The following JAK2 variants were observed in gnomAD, a reference collection of about 807,000 sequenced individuals.
The protein encoded by JAK2 is Janus kinase 2.
JAK2 carries 86 observed loss-of-function variants against 139.3 expected under a neutral mutation model. That is an observed-to-expected ratio of 0.62 (90% CI 0.52 to 0.74). The LOEUF (loss-of-function observed/expected upper bound fraction) is 0.74. JAK2 is among the 30% of genes least tolerant of loss of function. The pLI, the probability that JAK2 is intolerant of heterozygous loss-of-function variation, is 0.00. For missense variants in JAK2, 1,421 were observed against 1,360.3 expected, an observed-to-expected ratio of 1.04 and a Z score of -0.70; for synonymous variants, 490 against 437.7, an observed-to-expected ratio of 1.12 and a Z score of -1.49.
chr9:5,102,048 C>G (rs937436823), intron 22 of JAK2, among the ~76,000 whole-genome samples: 2 of 152,130 alleles, frequency 1.3e-5, no homozygotes, highest in South Asian at 4.1e-4. Flanking sequence ...CTTTGACGAG[C>G]TGACAGAAGT....
rs77994832 is a variant in JAK2 at position 5,123,744 on chromosome 9, T to C, written c.3177+623T>C. On this transcript the variant is annotated intron_variant, in intron 23 of 24. Coordinates refer to ENST00000381652, the MANE Select transcript of JAK2 (RefSeq NM_004972.4). ...ATCTTTATAATGTTTTCCATAGAGGTTGTACAAATGCACATTCTCACCAAC... is the reference window on the plus strand; with the variant it reads ...ATCTTTATAATGTTTTCCATAGAGGCTGTACAAATGCACATTCTCACCAAC... 5.7e-3 allele frequency among the ~76,000 whole-genome samples: 867 copies of C among 151,984 alleles called. 5 individuals are homozygous for C. Among genetic ancestry groups the C allele is most frequent in the African/African-American group, 0.019 (801 of 41,488 alleles).
At chr9:5,007,075 C>T (rs1248844719) in intron 2 of JAK2, among the ~76,000 whole-genome samples, 1 of 151,886 alleles carries the variant, frequency 6.6e-6, no homozygotes, top group Non-Finnish European at 1.5e-5. Context: ...TTTAAAAAGC[C>T]AACGTTTTAC....
chr9:5,004,626 AT>A (rs1255846988), intron 2 of JAK2, among the ~76,000 whole-genome samples: 1 of 151,766 alleles, frequency 6.6e-6, no homozygotes, highest in African/African-American at 2.4e-5. Context: ...TTGACATATT[AT>A]TTTTAGTTCC....
intron 19 of JAK2, among the ~76,000 whole-genome samples, chr9:5,087,706 T>C (rs1014774158): frequency 7.2e-5 from 11 of 152,236 alleles, no homozygotes; most frequent in African/African-American, 2.2e-4. Flanking sequence ...CCACTGCTTA[T>C]TGGAACATCA....
chr9:5,007,537 A>C (rs1226533599), intron 2 of JAK2, among the ~76,000 whole-genome samples: 2 of 152,066 alleles, frequency 1.3e-5, no homozygotes, highest in Non-Finnish European at 2.9e-5. Flanking sequence ...TGAGGTATTA[A>C]GAATAGCATA....
chr9:5,076,166 GTGA>G (rs1217700047), intron 14 of JAK2, among the ~76,000 whole-genome samples: 2 of 152,198 alleles, frequency 1.3e-5, no homozygotes, highest in Non-Finnish European at 2.9e-5. Context: ...TCTACTCCTA[GTGA>G]TGATGCTGTG....
At chr9:5,044,343 G>C in intron 4 of JAK2, 60 bp from the exon 5 acceptor site, 1 of 994,858 alleles carries the variant, frequency 1.0e-6, no homozygotes, top group Non-Finnish European at 1.6e-6. Flanking sequence ...ACTATATATA[G>C]ATAGTACGTT....
At chr9:5,096,169 C>T (rs190980495) in intron 22 of JAK2, among the ~76,000 whole-genome samples, 234 of 152,242 alleles carry the variant, frequency 1.5e-3, no homozygotes, top group Middle Eastern at 3.4e-3. Flanking sequence ...AATAAAATGA[C>T]AATTCAAAAA....
intron 9 of JAK2, among the ~76,000 whole-genome samples, chr9:5,066,204 G>A (rs1818557060): frequency 6.6e-6 from 1 of 152,048 alleles, no homozygotes; most frequent in Non-Finnish European, 1.5e-5. Flanking sequence ...AAAACCAGTA[G>A]TCTTTGTCAG....
At chr9:4,987,725 G>C (rs1175421440) in intron 2 of JAK2, among the ~76,000 whole-genome samples, 1 of 99,786 alleles carries the variant, frequency 1.0e-5, no homozygotes, top group Non-Finnish European at 2.0e-5. Flanking sequence ...AACACAGCAA[G>C]ACTCTGTCTA....
intron 22 of JAK2, among the ~76,000 whole-genome samples, chr9:5,092,788 A>G (rs1341776096): frequency 3.3e-5 from 5 of 152,222 alleles, no homozygotes; most frequent in African/African-American, 7.2e-5. Flanking sequence ...TGATAAGCCT[A>G]TCAAGCCTGC....
chr9:4,989,542 A>G (rs1820134054), intron 2 of JAK2, among the ~76,000 whole-genome samples: 1 of 152,246 alleles, frequency 6.6e-6, no homozygotes, highest in South Asian at 2.1e-4. Context: ...TCACCAAACA[A>G]ATATTTGTTA....
intron 8 of JAK2, among the ~76,000 whole-genome samples, chr9:5,059,479 T>A (rs1046641020): frequency 2.0e-5 from 3 of 152,168 alleles, no homozygotes; most frequent in African/African-American, 7.2e-5. Context: ...GACATTTGGG[T>A]TGCTTTCACT....
rs1351584612 is a variant in JAK2 at position 4,996,770 on chromosome 9, G to A, written c.-26+10748G>A. Among the ~76,000 whole-genome samples, 14 of 151,982 alleles carry A rather than the reference G, an allele frequency of 9.2e-5. 1 individual carries two copies. The highest frequency in any genetic ancestry group is 9.2e-4 in the Admixed American group (14 of 15,260). ...ATAATTGGATTATATTTACTATTATGAAAATTTAAAATTATTAGAAGTAAA... is the reference window on the plus strand; with the variant it reads ...ATAATTGGATTATATTTACTATTATAAAAATTTAAAATTATTAGAAGTAAA... On this transcript the variant is annotated intron_variant, in intron 2 of 24. Transcript: ENST00000381652.
chr9:5,113,878 G>A (rs1051403314), intron 22 of JAK2: 5 of 210,300 alleles, frequency 2.4e-5, no homozygotes, highest in African/African-American at 7.0e-5. Flanking sequence ...CCTCCCCACC[G>A]TGAAGATCTT....
In JAK2 at chr9:5,069,998, T is replaced by C. The variant is rs546273893; in HGVS notation, c.1587T>C (p.Pro529=). Residue 529 remains proline, a synonymous_variant, in exon 12 of 25, where the codon CCT becomes CCC. Coordinates refer to ENST00000381652, the MANE Select transcript of JAK2 (RefSeq NM_004972.4). The stretch of plus-strand genomic sequence containing the variant: ...CAACCTCACCAACATTACAGAGGCC[T>C]ACTCATATGAACCAAATGGTGTTTC... ...DVPTSPTLQR[P]THMNQMVFHK... 2.9e-5 allele frequency: 47 copies of C among 1,608,550 alleles called. No homozygotes were observed. Among genetic ancestry groups the C allele is most frequent in the Non-Finnish European group, 3.8e-5 (45 of 1,176,204 alleles).
intron 10 of JAK2, among the ~76,000 whole-genome samples, chr9:5,068,400 G>A (rs1818715631): frequency 1.3e-5 from 2 of 152,254 alleles, no homozygotes; most frequent in African/African-American, 4.8e-5. Context: ...ATACAATGGT[G>A]GTGCAGTGGA....
chr9:5,011,231 C>CTTG (rs149707759), intron 2 of JAK2, among the ~76,000 whole-genome samples: 13,470 of 152,006 alleles, frequency 0.089, 1,746 homozygotes, highest in African/African-American at 0.29. Context: ...CTTTGTTACT[C>CTTG]TTGTTGTTCA....
Position 5,069,101 on chromosome 9 carries a change from A to G in JAK2, c.1406A>G (p.Lys469Arg), listed in dbSNP as rs1369199169. 6.2e-7 allele frequency: 1 copy of G among 1,612,004 alleles called. No individual in the cohort carries two copies. Residue 469 changes from lysine to arginine, a missense_variant, in exon 11 of 25, where the codon AAG becomes AGG. Physicochemically the swap from Lys to Arg is conservative, Grantham distance 26. Coordinates refer to ENST00000381652, the MANE Select transcript of JAK2 (RefSeq NM_004972.4). ...GAGTACAACCTCAGTGGGACAAAGA[A>G]GAACTTCAGCAGTCTTAAAGATCTT... ...NEEYNLSGTKKNFSSLKDLLN... is the reference protein window; with the variant it reads ...NEEYNLSGTKRNFSSLKDLLN...
Sources: allele counts gnomAD v4.1 joint callset (sites outside exome capture counted in the v4.1 genomes callset), GRCh38; gene constraint gnomAD v4.1.1; transcripts MANE v1.5; gene names NCBI Gene and HGNC (gene_info 2026-07-23, HGNC 2026-07-21).